Variants in PRORP observed in about 807,000 individuals in gnomAD.
PRORP encodes protein only RNase P catalytic subunit.
A neutral mutation model predicts 59.4 loss-of-function variants in PRORP; 51 were observed. The ratio of observed to expected loss-of-function variants is 0.86; its 90% CI spans 0.69 to 1.08. The LOEUF (loss-of-function observed/expected upper bound fraction) is 1.08, where lower values mean the gene tolerates loss of function less well. Among genes scored for constraint, PRORP ranks in the 50% least tolerant of loss-of-function variants. The pLI is 0.00. For missense variants in PRORP, 646 were observed against 690.3 expected, an observed-to-expected ratio of 0.94 and a Z score of 0.72; for synonymous variants, 231 against 245.6, an observed-to-expected ratio of 0.94 and a Z score of 0.55.
At chr14:35,129,099 T>A (rs965795996) in intron 4 of PRORP, among the ~76,000 whole-genome samples, 2 of 151,370 alleles carry the variant, frequency 1.3e-5, no homozygotes, top group African/African-American at 2.4e-5. Context: ...TCCCAGCTAC[T>A]CGTGAGGTTG....
chr14:35,193,909 G>T (rs2048946903), intron 5 of PRORP, among the ~76,000 whole-genome samples: 1 of 152,122 alleles, frequency 6.6e-6, no homozygotes, highest in Non-Finnish European at 1.5e-5. Flanking sequence ...CAAAACTTGG[G>T]TGTCTTATTC....
chr14:35,199,081 T>C (rs900849239), intron 5 of PRORP, among the ~76,000 whole-genome samples: 17 of 152,230 alleles, frequency 1.1e-4, no homozygotes, highest in African/African-American at 3.6e-4. Context: ...GGCAGGAGAA[T>C]TGCTTGAACC....
intron 4 of PRORP, among the ~76,000 whole-genome samples, chr14:35,150,210 G>GT (rs2047710219): frequency 6.6e-6 from 1 of 152,176 alleles, no homozygotes; most frequent in South Asian, 2.1e-4. Context: ...GATTTAAAGT[G>GT]TAAGACCGGA....
intron 5 of PRORP, among the ~76,000 whole-genome samples, chr14:35,263,752 C>T (rs17457568): frequency 0.058 from 8,789 of 152,164 alleles, 333 homozygotes; most frequent in Middle Eastern, 0.11. Flanking sequence ...GGCTTAAAAT[C>T]CTGCAGCTGT....
chr14:35,180,642 A>G (rs1178941416), intron 4 of PRORP, 28 bp from the exon 5 acceptor site: 1 of 1,380,266 alleles, frequency 7.2e-7, no homozygotes, highest in Admixed American at 1.7e-5. Flanking sequence ...AGTTCTTATT[A>G]ATGTTTTGTC....
At chr14:35,227,707 T>C (rs1566510409) in intron 5 of PRORP, among the ~76,000 whole-genome samples, 1 of 152,136 alleles carries the variant, frequency 6.6e-6, no homozygotes, top group Admixed American at 6.6e-5. Context: ...TACAGCAAAA[T>C]GAAATAAATA....
At position 35,124,235 on chromosome 14, in the gene PRORP, A is replaced by T; in HGVS notation, c.986+4A>T. 1 of 1,515,052 alleles carries T rather than the reference A, an allele frequency of 6.6e-7. No individual in the cohort carries two copies. The highest frequency in any genetic ancestry group is 8.8e-7 in the Non-Finnish European group (1 of 1,135,652). 93.9% of individuals were successfully genotyped at this position (1,515,052 alleles called of 1,614,324 possible). On this transcript the variant is annotated splice_donor_region_variant and intron_variant, in intron 2 of 7. Transcript: ENST00000534898. Reference sequence around the variant, plus strand: ...GTATAAAAACATGGTTTGAGAGGTAATTTTGGTTTTTTTATATGTATGTTT... The same window carrying T: ...GTATAAAAACATGGTTTGAGAGGTATTTTTGGTTTTTTTATATGTATGTTT...
intron 4 of PRORP, among the ~76,000 whole-genome samples, chr14:35,137,590 G>C (rs970601226): frequency 2.8e-5 from 4 of 145,224 alleles, no homozygotes. Context: ...AAGGCAGAAG[G>C]ATTATGGCAG....
At chr14:35,228,283 A>T (rs1045163434) in intron 5 of PRORP, among the ~76,000 whole-genome samples, 4 of 152,212 alleles carry the variant, frequency 2.6e-5, no homozygotes, top group Admixed American at 6.5e-5. Flanking sequence ...AACTCTGAAT[A>T]AATATAGAGT....
At position 35,165,154 on chromosome 14, in the gene PRORP, G is replaced by A. The variant is rs144373951; in HGVS notation, c.1168-15516G>A. Among the ~76,000 whole-genome samples the A allele has an allele frequency of 4.4e-3, 668 of 152,284 alleles. 8 individuals carry two copies. Among genetic ancestry groups the A allele is most frequent in the African/African-American group, 0.016 (646 of 41,566 alleles). On this transcript the variant is annotated intron_variant, in intron 4 of 7. Coordinates refer to ENST00000534898, the MANE Select transcript of PRORP (RefSeq NM_014672.4). ...GATCCTTAAACATAGTTGTTTTGATGTCTTCTGGCTTTTGGGATTTCTAGC... is the reference window on the plus strand; with the variant it reads ...GATCCTTAAACATAGTTGTTTTGATATCTTCTGGCTTTTGGGATTTCTAGC...
chr14:35,194,993 T>A (rs1595284011), intron 5 of PRORP, among the ~76,000 whole-genome samples: 1 of 152,174 alleles, frequency 6.6e-6, no homozygotes, highest in Non-Finnish European at 1.5e-5. Context: ...CACATGATTT[T>A]GTTTTATTTA....
In PRORP at chr14:35,242,870, A is replaced by G. The variant is rs952657557; in HGVS notation, c.1276-23857A>G. Among the ~76,000 whole-genome samples the G allele has an allele frequency of 4.6e-5, 7 of 152,194 alleles. 1 individual carries two copies. The highest frequency in any genetic ancestry group is 1.7e-4 in the African/African-American group (7 of 41,440). On this transcript the variant is annotated intron_variant, in intron 5 of 7. Transcript: ENST00000534898. ...AGAGGAGAAAGAGCTACTGTCCCCA[A>G]AGATTGGAGCAAATAGCCCTGAGGG...
chr14:35,243,393 A>C (rs1335495901), intron 5 of PRORP, among the ~76,000 whole-genome samples: 1 of 151,788 alleles, frequency 6.6e-6, no homozygotes, highest in Non-Finnish European at 1.5e-5. Context: ...AAAATTAGCT[A>C]GGTGTGGTGG....
intron 5 of PRORP, among the ~76,000 whole-genome samples, chr14:35,230,405 A>C (rs1325491335): frequency 2.0e-5 from 3 of 152,240 alleles, no homozygotes; most frequent in Non-Finnish European, 4.4e-5. Context: ...TAGCTTTCAA[A>C]TATGATTTCA....
At chr14:35,145,982 C>A (rs968305961) in intron 4 of PRORP, among the ~76,000 whole-genome samples, 19 of 151,840 alleles carry the variant, frequency 1.3e-4, no homozygotes, top group South Asian at 1.2e-3. Flanking sequence ...GCGCCTGCCA[C>A]CACACCCGGC....
chr14:35,254,690 C>T (rs896202357), intron 5 of PRORP, among the ~76,000 whole-genome samples: 54 of 152,294 alleles, frequency 3.5e-4, no homozygotes, highest in African/African-American at 1.2e-3. Flanking sequence ...CCGCGCCCAG[C>T]CCACTCTCCT....
chr14:35,180,908 G>A, intron 5 of PRORP, 131 bp downstream of exon 5: 1 of 615,786 alleles, frequency 1.6e-6, no homozygotes, highest in East Asian at 2.8e-5. Flanking sequence ...GTGCCACAGT[G>A]ACCAACTGCA....
intron 5 of PRORP, among the ~76,000 whole-genome samples, chr14:35,192,979 T>TGG (rs769768332): frequency 2.6e-3 from 256 of 98,160 alleles, no homozygotes; most frequent in African/African-American, 8.8e-3. Flanking sequence ...GGTGACAGAG[T>TGG]AGAAAAAAAA....
At chr14:35,266,143 C>T (rs983014858) in intron 5 of PRORP, among the ~76,000 whole-genome samples, 1 of 151,910 alleles carries the variant, frequency 6.6e-6, no homozygotes, top group African/African-American at 2.4e-5. Flanking sequence ...CATGGTGAAA[C>T]CCCGTCTCTA....
Sources: gnomAD v4.1 joint callset for allele counts (sites outside exome capture counted in the v4.1 genomes callset) on GRCh38, gnomAD v4.1.1 for gene constraint, MANE v1.5 for transcripts, NCBI Gene and HGNC (gene_info 2026-07-23, HGNC 2026-07-21) for gene names.